Variants in USP33 observed in about 807,000 individuals in gnomAD.
The protein encoded by USP33 is ubiquitin carboxyl-terminal hydrolase 33.
Under a neutral mutation model 124.2 loss-of-function variants are expected in USP33, and 46 were observed. That is an observed-to-expected ratio of 0.37 (90% CI 0.29 to 0.47). USP33 has a LOEUF of 0.47. USP33 is among the 20% of genes least tolerant of loss of function. USP33 has a pLI of 0.99. For synonymous variants in USP33, 350 were observed against 352.3 expected, an observed-to-expected ratio of 0.99 and a Z score of 0.07; for missense variants, 851 against 1,070.6, an observed-to-expected ratio of 0.79 and a Z score of 2.86.
chr1:77,726,519 A>C (rs952696756), intron 10 of USP33, among the ~76,000 whole-genome samples: 1 of 151,816 alleles, frequency 6.6e-6, no homozygotes, highest in South Asian at 2.1e-4. Flanking sequence ...GGTGGTGTAC[A>C]CCTGTAGTGC....
intron 7 of USP33, among the ~76,000 whole-genome samples, chr1:77,733,960 A>G (rs1483547157): frequency 6.6e-6 from 1 of 152,182 alleles, no homozygotes; most frequent in Non-Finnish European, 1.5e-5. Context: ...ACCACCTGAC[A>G]TATCTATTTT....
chr1:77,759,318 G>A (rs375310290), intron 1 of USP33: 1 of 334,540 alleles, frequency 3.0e-6, no homozygotes, highest in East Asian at 4.5e-5. Context: ...GACCGAGGAA[G>A]GGAGCAGAGC....
intron 21 of USP33, among the ~76,000 whole-genome samples, chr1:77,709,596 T>A (rs1675007242): frequency 6.6e-6 from 1 of 151,052 alleles, no homozygotes; most frequent in Admixed American, 6.6e-5. Flanking sequence ...AATTTTAACA[T>A]TCTGTAAATA....
intron 6 of USP33, among the ~76,000 whole-genome samples, chr1:77,735,617 G>T (rs986821088): frequency 1.3e-5 from 2 of 152,098 alleles, no homozygotes; most frequent in Non-Finnish European, 2.9e-5. Flanking sequence ...AGAACAGTGG[G>T]CCTAAAAGAA....
Position 77,741,617 on chromosome 1 carries a change from A to C in USP33, c.81T>G (p.Leu27=). ...AAGGAAGAAAAAACCTGTTTCTTACAAGGGATTTTTGTATCAAATCTTCTT... is the reference window on the plus strand; with the variant it reads ...AAGGAAGAAAAAACCTGTTTCTTACCAGGGATTTTTGTATCAAATCTTCTT... ...ITKEDLIQKS[L]GTCQDCKVQG... Residue 27 remains leucine (L), a splice_region_variant and synonymous_variant, in exon 2 of 24, where the codon CTT becomes CTG. Coordinates refer to ENST00000370794, the MANE Select transcript of USP33 (RefSeq NM_201624.3). The C allele has an allele frequency of 6.3e-7, 1 of 1,581,956 alleles. No individual in the cohort carries two copies. The highest frequency in any genetic ancestry group is 8.6e-7 in the Non-Finnish European group (1 of 1,169,452).
At chr1:77,709,884 C>CACAT (rs1276823539) in intron 21 of USP33, among the ~76,000 whole-genome samples, 63 of 121,892 alleles carry the variant, frequency 5.2e-4, no homozygotes, top group African/African-American at 1.7e-3. Context: ...CATACACATA[C>CACAT]ACACACACAC....
At position 77,697,240 on chromosome 1, in the gene USP33, T is replaced by C. The variant is rs1673503091; in HGVS notation, c.*77A>G. 7.6e-7 allele frequency: 1 copy of C among 1,311,702 alleles called. No homozygotes were observed. The highest frequency in any genetic ancestry group is 1.5e-5 in the African/African-American group (1 of 67,014). 81.3% of individuals were successfully genotyped at this position (1,311,702 alleles called of 1,614,324 possible). A position where few individuals can be genotyped will look rare whatever the true frequency, so the allele number is the denominator to read the frequency against. On this transcript the variant is annotated 3_prime_UTR_variant, in exon 24 of 24. Coordinates refer to ENST00000370794, the MANE Select transcript of USP33 (RefSeq NM_201624.3). ...AAAAATAAAGCAAATAAACACGCTTTTAGGAATGTTTTCGCATGTGTACAT... is the reference window on the plus strand; with the variant it reads ...AAAAATAAAGCAAATAAACACGCTTCTAGGAATGTTTTCGCATGTGTACAT...
intron 1 of USP33, among the ~76,000 whole-genome samples, chr1:77,754,615 T>C (rs1024550059): frequency 3.3e-5 from 5 of 152,224 alleles, no homozygotes; most frequent in African/African-American, 1.2e-4. Context: ...CAAAGTCCTA[T>C]AATACTTACC....
At chr1:77,708,535 T>C (rs1376857016) in intron 21 of USP33, among the ~76,000 whole-genome samples, 2 of 152,248 alleles carry the variant, frequency 1.3e-5, no homozygotes, top group African/African-American at 4.8e-5. Flanking sequence ...TTCTGAGCAC[T>C]GCCATAGGCA....
At chr1:77,747,590 T>C (rs1211853051) in intron 1 of USP33, among the ~76,000 whole-genome samples, 3 of 152,206 alleles carry the variant, frequency 2.0e-5, no homozygotes, top group Non-Finnish European at 2.9e-5. Context: ...TCAATATGTC[T>C]GTCTTAATGC....
Position 77,713,300 on chromosome 1 carries a change from A to T in USP33, c.2216-19T>A. The T allele has an allele frequency of 6.4e-7, 1 of 1,557,852 alleles. No individual in the cohort carries two copies. Among genetic ancestry groups the T allele is most frequent in the Admixed American group, 2.2e-5 (1 of 46,400 alleles). ...GGAACACCTAAAAAAATATATAAAC[A>T]TATCTGTTTCATGCTTTTAATTATA... On this transcript the variant is annotated intron_variant, in intron 19 of 23. Transcript: ENST00000370794.
chr1:77,755,623 A>G (rs1448391377), intron 1 of USP33, among the ~76,000 whole-genome samples: 1 of 152,202 alleles, frequency 6.6e-6, no homozygotes, highest in Non-Finnish European at 1.5e-5. Flanking sequence ...GCTTGAACGC[A>G]GGAGGTGGAG....
intron 5 of USP33, among the ~76,000 whole-genome samples, chr1:77,738,157 T>C (rs1428583480): frequency 6.6e-6 from 1 of 152,234 alleles, no homozygotes; most frequent in Non-Finnish European, 1.5e-5. Flanking sequence ...ATCTTTCATG[T>C]GTAAGGCAAG....
At chr1:77,747,393 T>C (rs536568756) in intron 1 of USP33, among the ~76,000 whole-genome samples, 66 of 152,164 alleles carry the variant, frequency 4.3e-4, no homozygotes, top group Admixed American at 7.9e-4. Flanking sequence ...CAGCTAGGAC[T>C]ACAGGTGTGA....
chr1:77,757,350 C>A (rs920387992), intron 1 of USP33, among the ~76,000 whole-genome samples: 14 of 152,226 alleles, frequency 9.2e-5, no homozygotes, highest in Non-Finnish European at 1.9e-4. Context: ...ATTGACCTAA[C>A]TTAACCTTCT....
chr1:77,718,746 ATG>A, intron 15 of USP33, 105 bp from the exon 16 acceptor site: 1 of 891,116 alleles, frequency 1.1e-6, no homozygotes, highest in Non-Finnish European at 1.8e-6. Context: ...CCTGGCAAAC[ATG>A]GTGAAATCCC....
chr1:77,737,657 T>C (rs1678631967), intron 5 of USP33, among the ~76,000 whole-genome samples: 1 of 152,232 alleles, frequency 6.6e-6, no homozygotes, highest in South Asian at 2.1e-4. Context: ...TTTATGCCTT[T>C]TATGTGTTAA....
rs371417584 is a variant in USP33 at position 77,715,695 on chromosome 1, C to T, written c.2045+47G>A. The T allele has an allele frequency of 2.0e-5, 32 of 1,590,448 alleles. No homozygotes were observed. The African/African-American group carries it at 4.2e-4, about 21-fold the overall frequency. On this transcript the variant is annotated intron_variant, in intron 18 of 23. Coordinates refer to ENST00000370794, the MANE Select transcript of USP33 (RefSeq NM_201624.3). ...AATGTCTTAGAAGTCACTGATAAGC[C>T]CAAAATGTGAGAGATGTCCTTTCGC...
intron 21 of USP33, among the ~76,000 whole-genome samples, chr1:77,705,180 G>T (rs1335576164): frequency 2.0e-5 from 3 of 150,910 alleles, no homozygotes; most frequent in African/African-American, 7.3e-5. Flanking sequence ...AATAATAATA[G>T]GTTTGCACTT....
Sources: allele counts gnomAD v4.1 joint callset (sites outside exome capture counted in the v4.1 genomes callset), GRCh38; gene constraint gnomAD v4.1.1; transcripts MANE v1.5; gene names NCBI Gene and HGNC (gene_info 2026-07-23, HGNC 2026-07-21).